The following CNTLN variants were observed in gnomAD, a reference collection of about 807,000 sequenced individuals.
CNTLN encodes centlein, centrosomal protein.
In CNTLN, 212 loss-of-function variants were observed where a neutral mutation model predicts 180.0. That is an observed-to-expected ratio of 1.18 (90% CI 1.05 to 1.32). The LOEUF (loss-of-function observed/expected upper bound fraction) is 1.32, where lower values mean the gene tolerates loss of function less well. Among genes scored for constraint, CNTLN ranks in the 40% most tolerant of loss-of-function variants. The pLI is 0.00. For missense variants in CNTLN, 2,095 were observed against 1,610.9 expected, an observed-to-expected ratio of 1.30 and a Z score of -5.14; for synonymous variants, 722 against 563.1, an observed-to-expected ratio of 1.28 and a Z score of -3.99.
intron 23 of CNTLN, among the ~76,000 whole-genome samples, chr9:17,476,586 T>A (rs1337383526): frequency 2.0e-5 from 3 of 152,216 alleles, no homozygotes; most frequent in African/African-American, 7.2e-5. Flanking sequence ...TGAAACAGCC[T>A]TATTGCTGAT....
Position 17,365,308 on chromosome 9 carries a change from C to G in CNTLN, c.1887-1309C>G, listed in dbSNP as rs943188213. 7.2e-5 allele frequency among the ~76,000 whole-genome samples: 11 copies of G among 152,176 alleles called. No homozygotes were observed. The East Asian group carries it at 2.1e-3, about 29-fold the overall frequency. On this transcript the variant is annotated intron_variant, in intron 12 of 25. Coordinates refer to ENST00000380647, the MANE Select transcript of CNTLN (RefSeq NM_017738.4). ...ATGTAAGACCTGCCTGCTTCCTGTT[C>G]CCCTTCTGCCATGAATGTTAAGTTT...
intron 18 of CNTLN, among the ~76,000 whole-genome samples, chr9:17,419,449 A>G (rs766959365): frequency 2.6e-5 from 4 of 152,134 alleles, no homozygotes; most frequent in Non-Finnish European, 5.9e-5. Flanking sequence ...TGCTAGCCCC[A>G]TTCTTCAGAG....
At chr9:17,254,285 G>T (rs1289768619) in intron 5 of CNTLN, among the ~76,000 whole-genome samples, 1 of 151,506 alleles carries the variant, frequency 6.6e-6, no homozygotes, top group Non-Finnish European at 1.5e-5. Flanking sequence ...TTTTGAGGTA[G>T]TACCATCTGT....
At chr9:17,365,937 C>A (rs1044764304) in intron 12 of CNTLN, among the ~76,000 whole-genome samples, 57 of 152,240 alleles carry the variant, frequency 3.7e-4, no homozygotes, top group Admixed American at 9.8e-4. Context: ...CAGAGTGAGA[C>A]TTTGTCTAAA....
chr9:17,424,708 A>G lies in CNTLN; in HGVS notation c.3114+8519A>G, dbSNP rs185119663. ...GTTGATTAGAGGTAGGGTAATTAGG[A>G]TTACATAAGGTCATCAGCAGGGTCC... On this transcript the variant is annotated intron_variant, in intron 18 of 25. Coordinates refer to ENST00000380647, the MANE Select transcript of CNTLN (RefSeq NM_017738.4). Among the ~76,000 whole-genome samples the G allele has an allele frequency of 3.5e-4, 54 of 152,274 alleles. 1 individual carries two copies. The East Asian group carries it at 0.01, about 29-fold the overall frequency.
intron 2 of CNTLN, among the ~76,000 whole-genome samples, chr9:17,162,250 G>C (rs771380738): frequency 4.6e-5 from 7 of 152,038 alleles, no homozygotes; most frequent in Non-Finnish European, 8.8e-5. Context: ...GAGTAACTGG[G>C]ACTACAGACA....
Position 17,366,682 on chromosome 9 carries a change from A to G in CNTLN, c.1952A>G (p.Gln651Arg). The G allele has an allele frequency of 6.3e-7, 1 of 1,587,736 alleles. No homozygotes were observed. Among genetic ancestry groups the G allele is most frequent in the South Asian group, 1.1e-5 (1 of 87,926 alleles). ...VHISIDKAAI[Q>R]ELNRCVAERR... is the part of the protein sequence containing the mutation. Reference sequence around the variant, plus strand: ...ATATCTATTGATAAGGCAGCAATACAAGAATTGAATAGATGTGTGGCAGAG... The same window carrying G: ...ATATCTATTGATAAGGCAGCAATACGAGAATTGAATAGATGTGTGGCAGAG... The change falls in exon 13 of 26, where the codon CAA (glutamine) becomes CGA (arginine). Residue 651 changes from glutamine (Q) to arginine (R), a missense_variant. Gln to Arg is a conservative substitution (Grantham distance 43). Coordinates refer to ENST00000380647, the MANE Select transcript of CNTLN (RefSeq NM_017738.4).
At chr9:17,175,243 T>C (rs1304245184) in intron 2 of CNTLN, among the ~76,000 whole-genome samples, 2 of 152,044 alleles carry the variant, frequency 1.3e-5, no homozygotes, top group Admixed American at 1.3e-4. Flanking sequence ...TTTTCTCTTA[T>C]TTTTTTTCCT....
intron 13 of CNTLN, among the ~76,000 whole-genome samples, chr9:17,370,781 A>G (rs560273935): frequency 1.2e-3 from 183 of 152,182 alleles, no homozygotes; most frequent in Non-Finnish European, 2.2e-3. Context: ...AAACAACAAA[A>G]AGTTAAAAAC....
chr9:17,204,481 G>A (rs1822773984), intron 2 of CNTLN, among the ~76,000 whole-genome samples: 1 of 152,126 alleles, frequency 6.6e-6, no homozygotes, highest in Non-Finnish European at 1.5e-5. Flanking sequence ...GACCCTGCTT[G>A]GCTGGGTATC....
chr9:17,508,585 C>G (rs1833974320), downstream of CNTLN, among the ~76,000 whole-genome samples: 1 of 152,180 alleles, frequency 6.6e-6, no homozygotes, highest in Non-Finnish European at 1.5e-5. Flanking sequence ...CCCTTTAACT[C>G]TAATCCCTGG....
At chr9:17,411,636 A>C (rs1050914429) in intron 16 of CNTLN, among the ~76,000 whole-genome samples, 1 of 152,170 alleles carries the variant, frequency 6.6e-6, no homozygotes, top group African/African-American at 2.4e-5. Flanking sequence ...GCCTCCCGTT[A>C]GACCAGCGGA....
intron 8 of CNTLN, among the ~76,000 whole-genome samples, chr9:17,322,834 A>G (rs922746757): frequency 6.6e-6 from 1 of 152,178 alleles, no homozygotes; most frequent in African/African-American, 2.4e-5. Flanking sequence ...GCTTTCATAC[A>G]TGAAATTTGT....
At chr9:17,347,658 G>A (rs1482859223) in intron 12 of CNTLN, among the ~76,000 whole-genome samples, 6 of 123,600 alleles carry the variant, frequency 4.9e-5, no homozygotes, top group African/African-American at 1.8e-4. Flanking sequence ...CTGGGTGACA[G>A]TAAGACTCTT....
chr9:17,307,132 G>A (rs1314354171), intron 7 of CNTLN, among the ~76,000 whole-genome samples: 1 of 152,180 alleles, frequency 6.6e-6, no homozygotes, highest in African/African-American at 2.4e-5. Context: ...TAAAGGTAAT[G>A]AGAAGGGAAA....
intron 8 of CNTLN, among the ~76,000 whole-genome samples, chr9:17,319,118 A>G (rs912240664): frequency 1.7e-4 from 26 of 152,358 alleles, no homozygotes; most frequent in African/African-American, 6.0e-4. Context: ...AAGCTTTCAC[A>G]GAGAAAACAA....
chr9:17,296,663 T>TC (rs1413926747), intron 6 of CNTLN, among the ~76,000 whole-genome samples: 1 of 152,154 alleles, frequency 6.6e-6, no homozygotes, highest in Non-Finnish European at 1.5e-5. Context: ...GGGTCTTTTT[T>TC]CCCCTCCTCT....
intron 6 of CNTLN, among the ~76,000 whole-genome samples, chr9:17,287,876 T>C (rs1444563655): frequency 1.4e-3 from 192 of 137,308 alleles, no homozygotes; most frequent in South Asian, 4.0e-3. Flanking sequence ...TTTTTTATTG[T>C]GTCTATTTGA....
intron 5 of CNTLN, among the ~76,000 whole-genome samples, chr9:17,260,394 A>G (rs920151054): frequency 1.3e-5 from 2 of 151,310 alleles, no homozygotes; most frequent in Non-Finnish European, 2.9e-5. Context: ...CTTTACTTCC[A>G]AATATGTGGC....
Sources: gnomAD v4.1 joint callset for allele counts (sites outside exome capture counted in the v4.1 genomes callset) on GRCh38, gnomAD v4.1.1 for gene constraint, MANE v1.5 for transcripts, NCBI Gene and HGNC (gene_info 2026-07-23, HGNC 2026-07-21) for gene names.